The following NKAIN3 variants were observed in gnomAD, a reference collection of about 807,000 sequenced individuals.
NKAIN3 encodes sodium/potassium-transporting ATPase subunit beta-1-interacting protein 3.
Under a neutral mutation model 30.2 loss-of-function variants are expected in NKAIN3, and 25 were observed. That is an observed-to-expected ratio of 0.83 (90% CI 0.60 to 1.16). NKAIN3 has a LOEUF of 1.16. Ranked by LOEUF, NKAIN3 falls within the 50% of genes most tolerant of loss-of-function variation. The pLI, the probability that NKAIN3 is intolerant of heterozygous loss-of-function variation, is 0.00. For synonymous variants in NKAIN3, 91 were observed against 89.6 expected, an observed-to-expected ratio of 1.02 and a Z score of -0.09; for missense variants, 225 against 254.1, an observed-to-expected ratio of 0.89 and a Z score of 0.78.
At chr8:62,767,180 A>G (rs1319627210) in intron 4 of NKAIN3, among the ~76,000 whole-genome samples, 1 of 152,106 alleles carries the variant, frequency 6.6e-6, no homozygotes, top group African/African-American at 2.4e-5. Context: ...TGACCCCACT[A>G]TCCTCCAGGC....
chr8:62,887,452 T>A (rs1821181899), intron 4 of NKAIN3, among the ~76,000 whole-genome samples: 1 of 152,204 alleles, frequency 6.6e-6, no homozygotes, highest in South Asian at 2.1e-4. Context: ...CAAGTATTAC[T>A]TCTGCTCCTT....
At chr8:62,345,594 T>C (rs1012837217) in intron 1 of NKAIN3, among the ~76,000 whole-genome samples, 5 of 147,446 alleles carry the variant, frequency 3.4e-5, no homozygotes, top group East Asian at 4.7e-4. Flanking sequence ...TATACACACA[T>C]ATATACACAT....
chr8:62,600,488 G>A (rs1441885007), intron 3 of NKAIN3, among the ~76,000 whole-genome samples: 1 of 151,918 alleles, frequency 6.6e-6, no homozygotes, highest in African/African-American at 2.4e-5. Context: ...TTTTATAAAT[G>A]AGGAACCTCA....
chr8:62,783,845 A>G lies in NKAIN3; in HGVS notation c.471+36716A>G, dbSNP rs149856543. ...TTGTTTTTTGTTTGTTTGTTTCACC[A>G]TGTTGCCCAGGCTGTTCTCAAACTC... is the stretch of plus-strand genomic sequence containing the variant. On this transcript the variant is annotated intron_variant, in intron 4 of 6. Transcript: ENST00000623646. Among the ~76,000 whole-genome samples, 870 of 152,000 alleles carry G rather than the reference A, an allele frequency of 5.7e-3. 4 individuals carry two copies. The highest frequency in any genetic ancestry group is 0.014 in the African/African-American group (585 of 41,500).
intron 4 of NKAIN3, among the ~76,000 whole-genome samples, chr8:62,909,505 G>T (rs555611890): frequency 1.3e-5 from 2 of 152,250 alleles, no homozygotes; most frequent in African/African-American, 4.8e-5. Context: ...GCCTGTGTTT[G>T]TTATTGGCAA....
intron 3 of NKAIN3, among the ~76,000 whole-genome samples, chr8:62,618,754 A>G (rs1015642723): frequency 2.6e-5 from 4 of 152,044 alleles, no homozygotes; most frequent in Non-Finnish European, 5.9e-5. Flanking sequence ...AAAAATGCAA[A>G]AATTAGCCGG....
chr8:62,752,009 TG>T (rs1263620171), intron 4 of NKAIN3, among the ~76,000 whole-genome samples: 2 of 152,214 alleles, frequency 1.3e-5, no homozygotes, highest in Non-Finnish European at 2.9e-5. Context: ...TTCATGTCTG[TG>T]GTTTCAGCAA....
intron 5 of NKAIN3, among the ~76,000 whole-genome samples, chr8:62,922,168 T>C (rs116348852): frequency 0.028 from 4,291 of 152,264 alleles, 193 homozygotes; most frequent in African/African-American, 0.098. Context: ...CATTTGACCC[T>C]TGCTATTATA....
intron 1 of NKAIN3, among the ~76,000 whole-genome samples, chr8:62,368,320 A>G (rs2351664): frequency 0.97 from 147,617 of 152,272 alleles, 71,610 homozygotes; most frequent in East Asian, 1. Context: ...TGAAGCTATA[A>G]TAATCCAAAA....
At chr8:62,710,525 T>C (rs181989354) in intron 3 of NKAIN3, among the ~76,000 whole-genome samples, 15 of 152,308 alleles carry the variant, frequency 9.8e-5, no homozygotes, top group Admixed American at 6.5e-4. Context: ...TTTTACCTAA[T>C]ATAAGAATAG....
intron 1 of NKAIN3, among the ~76,000 whole-genome samples, chr8:62,332,907 T>A (rs575537047): frequency 6.6e-6 from 1 of 152,148 alleles, no homozygotes; most frequent in Admixed American, 6.6e-5. Flanking sequence ...TGGCCTGTAG[T>A]CCCAGCTACT....
intron 3 of NKAIN3, among the ~76,000 whole-genome samples, chr8:62,704,050 T>C (rs1034145248): frequency 1.3e-5 from 2 of 152,196 alleles, no homozygotes; most frequent in Admixed American, 6.6e-5. Context: ...CTTACGATAA[T>C]TGATTTGAGA....
rs1357588133 is a variant in NKAIN3, at chr8:62,968,976, T to A, written c.*3569T>A. Reference sequence around the variant, plus strand: ...ACATCAGAGAAATCTCAAACATCTCTTAGGAAAATCTCTAAATGTGTATAT... The same window carrying A: ...ACATCAGAGAAATCTCAAACATCTCATAGGAAAATCTCTAAATGTGTATAT... On this transcript the variant is annotated 3_prime_UTR_variant, in exon 7 of 7. Transcript: ENST00000623646. Among the ~76,000 whole-genome samples the A allele has an allele frequency of 6.6e-6, 1 of 152,170 alleles. No homozygotes were observed. Among genetic ancestry groups the A allele is most frequent in the Non-Finnish European group, 1.5e-5 (1 of 68,032 alleles).
Position 62,901,811 on chromosome 8 carries a change from A to G in NKAIN3, c.472-16642A>G, listed in dbSNP as rs180968949. ...CATTCTCCTGAGAACTATAAACTCC[A>G]TATTTCTACATGTGGCTTTATCTGC... On this transcript the variant is annotated intron_variant, in intron 4 of 6. Coordinates refer to ENST00000623646, the MANE Select transcript of NKAIN3 (RefSeq NM_001304533.3). Among the ~76,000 whole-genome samples the G allele has an allele frequency of 2.5e-3, 378 of 152,298 alleles. 1 individual carries two copies. Among genetic ancestry groups the G allele is most frequent in the East Asian group, 6.0e-3 (31 of 5,178 alleles).
chr8:62,547,489 A>G lies in NKAIN3; in HGVS notation c.55-32050A>G, dbSNP rs1232394356. On this transcript the variant is annotated intron_variant, in intron 1 of 6. Transcript: ENST00000623646. ...GCTACATCTTGTTTATTTATTTCTG[A>G]TCAAACTGAAAAACTCAAAGGCCAG... 4.6e-5 allele frequency among the ~76,000 whole-genome samples: 7 copies of G among 152,208 alleles called. 1 individual carries two copies. Among genetic ancestry groups the G allele is most frequent in the Non-Finnish European group, 8.8e-5 (6 of 68,034 alleles).
chr8:62,554,057 T>G (rs111243463), intron 1 of NKAIN3, among the ~76,000 whole-genome samples: 3 of 152,142 alleles, frequency 2.0e-5, no homozygotes, highest in Non-Finnish European at 4.4e-5. Context: ...ATAAAGCACA[T>G]CAGTGAAATT....
chr8:62,895,106 G>A (rs1207104922), intron 4 of NKAIN3, among the ~76,000 whole-genome samples: 2 of 152,192 alleles, frequency 1.3e-5, no homozygotes, highest in African/African-American at 4.8e-5. Flanking sequence ...AAGAATAAAG[G>A]AAGAAGGGAT....
intron 1 of NKAIN3, among the ~76,000 whole-genome samples, chr8:62,368,061 A>G (rs1294396033): frequency 6.6e-6 from 1 of 152,214 alleles, no homozygotes; most frequent in East Asian, 1.9e-4. Flanking sequence ...ACACTATGAA[A>G]GAACTTGATG....
At chr8:62,748,579 T>C (rs1472596954) in intron 4 of NKAIN3, among the ~76,000 whole-genome samples, 1 of 152,226 alleles carries the variant, frequency 6.6e-6, no homozygotes, top group Non-Finnish European at 1.5e-5. Context: ...TTACCTCATT[T>C]ACTCAATCTA....
Sources: allele counts gnomAD v4.1 joint callset (sites outside exome capture counted in the v4.1 genomes callset), GRCh38; gene constraint gnomAD v4.1.1; transcripts MANE v1.5; gene names NCBI Gene and HGNC (gene_info 2026-07-23, HGNC 2026-07-21).